Variants in LMOD3 observed in about 807,000 individuals in gnomAD.
LMOD3 encodes leiomodin-3.
In LMOD3, 31 loss-of-function variants were observed where a neutral mutation model predicts 41.8. The observed-to-expected ratio is 0.74, with a 90% CI of 0.56 to 1.00. LMOD3 has a LOEUF of 1.00. Among genes scored for constraint, LMOD3 ranks in the 50% least tolerant of loss-of-function variants. LMOD3 has a pLI of 0.00. For missense variants in LMOD3, 755 were observed against 679.5 expected (o/e 1.11, Z -1.23); for synonymous variants, 292 against 241.9 (o/e 1.21, Z -1.92).
rs1190777851 is a variant in LMOD3 at position 69,106,860 on chromosome 3, ATTTTTTTTTTTTT to A, written c.*2222_*2234del. 2 of 50,714 alleles carry A rather than the reference ATTTTTTTTTTTTT, an allele frequency of 3.9e-5. No homozygotes were observed. The highest frequency in any genetic ancestry group is 4.2e-4 in the Admixed American group (2 of 4,778). 3.1% of individuals were successfully genotyped at this position (50,714 alleles called of 1,614,324 possible). Reference sequence around the variant, plus strand: ...AGCTACCATGCCTGGCTAATTTTGTATTTTTTTTTTTTTTTTTTTTTTTTTTTAGTAGAAATGG... The same window carrying A: ...AGCTACCATGCCTGGCTAATTTTGTATTTTTTTTTTTTTTAGTAGAAATGG... On this transcript the variant is annotated 3_prime_UTR_variant, in exon 3 of 3. Transcript: ENST00000420581.
At chr3:69,110,050 C>G (rs1157032870) in intron 2 of LMOD3, among the ~76,000 whole-genome samples, 1 of 151,988 alleles carries the variant, frequency 6.6e-6, no homozygotes, top group Admixed American at 6.5e-5. Flanking sequence ...TGTCTTTCCT[C>G]TTTGAAGCAC....
rs184619609 is a variant in LMOD3 at position 69,117,089 on chromosome 3, G to A, written c.1656+1610C>T. Reference sequence around the variant, plus strand: ...CCCAATTCATTCCTAGGGGAGTTCTGGCTGTCCAGAGAAGAGCAGGTGCAG... The same window carrying A: ...CCCAATTCATTCCTAGGGGAGTTCTAGCTGTCCAGAGAAGAGCAGGTGCAG... On this transcript the variant is annotated intron_variant, in intron 2 of 2. Transcript: ENST00000420581. Among the ~76,000 whole-genome samples, 14 of 152,306 alleles carry A rather than the reference G, an allele frequency of 9.2e-5. No individual in the cohort carries two copies. In the East Asian group the frequency reaches 2.7e-3, roughly 29 times the overall value.
In LMOD3 at chr3:69,113,237, G is replaced by A. The variant is rs2092357447; in HGVS notation, c.1657-4116C>T. Among the ~76,000 whole-genome samples, 3 of 152,162 alleles carry A rather than the reference G, an allele frequency of 2.0e-5. No individual in the cohort carries two copies. In the South Asian group the frequency reaches 6.2e-4, roughly 32 times the overall value. ...ACTGGGAACCAGAAGCAACCACTAG[G>A]CCTAAAAATGAGCAGCTTGGTTTGG... On this transcript the variant is annotated intron_variant, in intron 2 of 2. Transcript: ENST00000420581.
chr3:69,118,598 A>G lies in LMOD3; in HGVS notation c.1656+101T>C. 5.1e-6 allele frequency: 7 copies of G among 1,365,300 alleles called. 1 individual carries two copies. In the South Asian group the frequency reaches 6.0e-5, roughly 12 times the overall value. 84.6% of individuals were successfully genotyped at this position (1,365,300 alleles called of 1,614,324 possible). ...CATTGGCTTCCCCCAGTTGGTCTCA[A>G]TTAGTGAGTATCCCCTTATGTTAAA... On this transcript the variant is annotated intron_variant, in intron 2 of 2. Coordinates refer to ENST00000420581, the MANE Select transcript of LMOD3 (RefSeq NM_198271.5).
At chr3:69,118,444 T>G (rs942482822) in intron 2 of LMOD3, among the ~76,000 whole-genome samples, 3 of 152,178 alleles carry the variant, frequency 2.0e-5, no homozygotes, top group African/African-American at 7.2e-5. Context: ...CTCCAGCCTA[T>G]AGTAAATGCT....
In LMOD3 at chr3:69,122,316, A is replaced by C; in HGVS notation, c.71T>G (p.Leu24Trp). ...CAGTTCTTCAGCAGACAAGTTGGCC[A>C]AGATTTCATCTTCATTAATCTCCTC... ...LDEEINEDEI[L>W]ANLSAEELKE... is the part of the protein sequence containing the mutation. The change falls in exon 1 of 3, where the codon TTG becomes TGG. Residue 24 changes from leucine (L) to tryptophan (W), a missense_variant. Leu to Trp is a moderately conservative substitution (Grantham distance 61). Coordinates refer to ENST00000420581, the MANE Select transcript of LMOD3 (RefSeq NM_198271.5). The C allele has an allele frequency of 6.2e-7, 1 of 1,613,336 alleles. No individual in the cohort carries two copies. Among genetic ancestry groups the C allele is most frequent in the South Asian group, 1.1e-5 (1 of 91,004 alleles).
In LMOD3 at chr3:69,119,215, CG is replaced by C; in HGVS notation, c.1139del (p.Pro380ArgfsTer37). The C allele has an allele frequency of 1.2e-6, 2 of 1,613,914 alleles. No individual in the cohort carries two copies. Among genetic ancestry groups the C allele is most frequent in the Non-Finnish European group, 1.7e-6 (2 of 1,179,878 alleles). On this transcript the variant is annotated frameshift_variant, in exon 2 of 3. Transcript: ENST00000420581. LOFTEE classifies it high-confidence loss of function. The stretch of plus-strand genomic sequence containing the variant: ...GATTAGTGACCACCATTCTGGGACC[CG>C]GAAGCTCAAAATGGTAGCCCATCTT... ...LLKMGYHFEL[P>X]GPRMVVTNLL... is the part of the protein sequence containing the mutation.
At chr3:69,111,813 G>A (rs2092351574) in intron 2 of LMOD3, among the ~76,000 whole-genome samples, 1 of 152,202 alleles carries the variant, frequency 6.6e-6, no homozygotes, top group South Asian at 2.1e-4. Context: ...TTACTTTAAA[G>A]TATGACCAAG....
At position 69,119,255 on chromosome 3, in the gene LMOD3, T is replaced by C; in HGVS notation, c.1100A>G (p.Asn367Ser). The C allele has an allele frequency of 3.1e-6, 5 of 1,613,884 alleles. No individual in the cohort carries two copies. The highest frequency in any genetic ancestry group is 4.2e-6 in the Non-Finnish European group (5 of 1,179,888). ...GTAGCCCATCTTCAGGAGAGTGTTGTTTGCCTTCAAAAGCCTGGCTATTTC... is the reference window on the plus strand; with the variant it reads ...GTAGCCCATCTTCAGGAGAGTGTTGCTTGCCTTCAAAAGCCTGGCTATTTC... ...EMEIARLLKA[N>S]NTLLKMGYHF... The change falls in exon 2 of 3, where the codon AAC (asparagine) becomes AGC (serine). Residue 367 changes from asparagine (N) to serine (S), a missense_variant. Physicochemically the swap from Asn to Ser is conservative, Grantham distance 46. Transcript: ENST00000420581.
rs368213058 is a variant in LMOD3, at chr3:69,119,619, T to C, written c.736A>G (p.Arg246Gly). The C allele has an allele frequency of 3.1e-6, 5 of 1,613,742 alleles. No individual in the cohort carries two copies. In the African/African-American group the frequency reaches 6.7e-5, roughly 22 times the overall value. Residue 246 changes from arginine to glycine, a missense_variant, in exon 2 of 3, where the codon AGG becomes GGG. By Grantham distance (125) the Arg-to-Gly change is moderately radical. Coordinates refer to ENST00000420581, the MANE Select transcript of LMOD3 (RefSeq NM_198271.5). Reference protein sequence around the residue: ...GNQTDLDGSLRRVRKNDPDMK... With the variant: ...GNQTDLDGSLGRVRKNDPDMK... The stretch of plus-strand genomic sequence containing the variant: ...TCAGGATCATTTTTCCTAACTCTCC[T>C]CAAGCTCCCATCCAGGTCTGTCTGG...
intron 2 of LMOD3, 97 bp downstream of exon 2, chr3:69,118,602 G>A: frequency 7.3e-7 from 1 of 1,378,926 alleles, no homozygotes; most frequent in Non-Finnish European, 9.7e-7. Flanking sequence ...GTCTCAATTA[G>A]TGAGTATCCC....
At chr3:69,110,853 A>AAAAAAAATATATATATATATATATAT (rs1458630453) in intron 2 of LMOD3, among the ~76,000 whole-genome samples, 1 of 104,168 alleles carries the variant, frequency 9.6e-6, no homozygotes, top group African/African-American at 4.8e-5. Flanking sequence ...AAAAAAAAAA[A>AAAAAAAATATATATATATATATATAT]ATATATATAT....
intron 1 of LMOD3, 134 bp downstream of exon 1, chr3:69,121,959 A>G: frequency 1.5e-6 from 1 of 651,836 alleles, no homozygotes; most frequent in Non-Finnish European, 2.6e-6. Context: ...ATTAAATATT[A>G]TGGTTTAATC....
chr3:69,109,467 T>G (rs995607888), intron 2 of LMOD3, among the ~76,000 whole-genome samples: 3 of 150,752 alleles, frequency 2.0e-5, no homozygotes, highest in African/African-American at 7.3e-5. Context: ...AAAATGATAA[T>G]AACAGTATCT....
At chr3:69,112,541 T>G (rs77339640) in intron 2 of LMOD3, among the ~76,000 whole-genome samples, 4,456 of 152,278 alleles carry the variant, frequency 0.029, 185 homozygotes, top group African/African-American at 0.093. Flanking sequence ...CTAACGTTTT[T>G]TTGTAAGAAG....
At chr3:69,120,398 A>C (rs762691254) in intron 1 of LMOD3, among the ~76,000 whole-genome samples, 9 of 151,994 alleles carry the variant, frequency 5.9e-5, no homozygotes, top group Non-Finnish European at 1.2e-4. Context: ...TCTAGTACCC[A>C]ACAGTCCTGA....
rs1379546969 is a variant in LMOD3 at position 69,108,858 on chromosome 3, G to C, written c.*237C>G. 2.6e-6 allele frequency: 1 copy of C among 390,628 alleles called. No homozygotes were observed. Among genetic ancestry groups the C allele is most frequent in the Non-Finnish European group, 4.5e-6 (1 of 220,934 alleles). The allele number at this position is 390,628 out of a possible 1,614,324, so 24.2% of individuals were successfully genotyped here. ...TTCACCTGAGTCACTCAAATTGATT[G>C]CAAGTAGAAAATATTGCCTCTAAAT... On this transcript the variant is annotated 3_prime_UTR_variant, in exon 3 of 3. Transcript: ENST00000420581.
At chr3:69,115,909 C>T (rs1420882382) in intron 2 of LMOD3, among the ~76,000 whole-genome samples, 4 of 152,286 alleles carry the variant, frequency 2.6e-5, no homozygotes, top group Admixed American at 6.5e-5. Flanking sequence ...ATCATAGCTA[C>T]TCATACTATT....
intron 2 of LMOD3, among the ~76,000 whole-genome samples, chr3:69,112,533 A>G (rs6784228): frequency 0.96 from 145,936 of 152,336 alleles, 69,967 homozygotes; most frequent in East Asian, 1. Flanking sequence ...GAGTACCCCT[A>G]ACGTTTTTTT....
Sources: gnomAD v4.1 joint callset for allele counts (sites outside exome capture counted in the v4.1 genomes callset) on GRCh38, gnomAD v4.1.1 for gene constraint, MANE v1.5 for transcripts, NCBI Gene and HGNC (gene_info 2026-07-23, HGNC 2026-07-21) for gene names.